The following PGAP6 variants were observed in gnomAD, a reference collection of about 807,000 sequenced individuals.
The protein encoded by PGAP6 is post-GPI attachment to proteins 6.
PGAP6 carries 62 observed loss-of-function variants against 68.4 expected under a neutral mutation model. The ratio of observed to expected loss-of-function variants is 0.91; its 90% confidence interval spans 0.74 to 1.12. The LOEUF is 1.12. Among genes scored for constraint, PGAP6 ranks in the 50% most tolerant of loss-of-function variants. The probability of loss-of-function intolerance (pLI) is 0.00; values close to 1 mark genes in which losing one functional copy is unlikely to be tolerated. For synonymous variants in PGAP6, 575 were observed against 474.0 expected, an observed-to-expected ratio of 1.21 and a Z score of -2.77; for missense variants, 1,188 against 1,068.5, an observed-to-expected ratio of 1.11 and a Z score of -1.56.
intron 11 of PGAP6, among the ~76,000 whole-genome samples, chr16:373,113 C>T (rs564486865): frequency 6.6e-6 from 1 of 152,308 alleles, no homozygotes; most frequent in East Asian, 1.9e-4. Flanking sequence ...GGCTCCCACC[C>T]CCCAGTCTCC....
At position 380,859 on chromosome 16, in the gene PGAP6, C is replaced by G. The variant is rs549967495; in HGVS notation, c.121+842G>C. On this transcript the variant is annotated intron_variant, in intron 1 of 12. Coordinates refer to ENST00000431232, the MANE Select transcript of PGAP6 (RefSeq NM_021259.3). Reference sequence around the variant, plus strand: ...CAGCACCGCATCAGCTGCCGGGCACCTGGGCACCCGCGTGGCTGGGGACGT... The same window carrying G: ...CAGCACCGCATCAGCTGCCGGGCACGTGGGCACCCGCGTGGCTGGGGACGT... Among the ~76,000 whole-genome samples, 11 of 152,206 alleles carry G rather than the reference C, an allele frequency of 7.2e-5. No individual in the cohort carries two copies. In the East Asian group the frequency reaches 1.9e-3, roughly 27 times the overall value.
At position 371,830 on chromosome 16, in the gene PGAP6, G is replaced by A. The variant is rs184459981; in HGVS notation, c.*157C>T. 68 of 704,888 alleles carry A rather than the reference G, an allele frequency of 9.6e-5. No individual in the cohort carries two copies. The East Asian group carries it at 1.6e-3, about 17-fold the overall frequency. The allele number at this position is 704,888 out of a possible 1,614,324, so 43.7% of individuals were successfully genotyped here. Reference sequence around the variant, plus strand: ...GGCGAGGAGAGGTGCGTGTGAGGGAGGGGTGGCCCTCTCCTCAGTAGGAGG... The same window carrying A: ...GGCGAGGAGAGGTGCGTGTGAGGGAAGGGTGGCCCTCTCCTCAGTAGGAGG... On this transcript the variant is annotated 3_prime_UTR_variant, in exon 13 of 13. Transcript: ENST00000431232.
rs1192024997 is a variant in PGAP6 at position 372,316 on chromosome 16, GGT to G, written c.2020-35_2020-34del. The G allele has an allele frequency of 2.5e-6, 4 of 1,584,414 alleles. No individual in the cohort carries two copies. The African/African-American group carries it at 4.0e-5, about 16-fold the overall frequency. Reference sequence around the variant, plus strand: ...AAACAGCCACGCAGGTATCAGTGCAGGTGGGGCCGCGGCTGCAGCTCCCAGGG... The same window carrying G: ...AAACAGCCACGCAGGTATCAGTGCAGGGGGCCGCGGCTGCAGCTCCCAGGG... On this transcript the variant is annotated intron_variant, in intron 12 of 12. Coordinates refer to ENST00000431232, the MANE Select transcript of PGAP6 (RefSeq NM_021259.3).
At chr16:374,610 G>T (rs1481664668) in intron 9 of PGAP6, 146 bp downstream of exon 9, 2 of 1,201,334 alleles carry the variant, frequency 1.7e-6, no homozygotes, top group East Asian at 5.1e-5. Context: ...GGGGAATGGG[G>T]GAGTGGGGAG....
intron 6 of PGAP6, 57 bp downstream of exon 6, chr16:376,079 G>A (rs1426412017): frequency 6.6e-7 from 1 of 1,510,704 alleles, no homozygotes. Context: ...GCGCTGCAGG[G>A]GTTGCCCGGC....
chr16:381,562 G>T, intron 1 of PGAP6, 139 bp downstream of exon 1: 1 of 581,964 alleles, frequency 1.7e-6, no homozygotes, highest in Non-Finnish European at 2.4e-6. Context: ...GGGCCACTGT[G>T]CACCCCCAAC....
chr16:374,267 A>C lies in PGAP6; in HGVS notation c.1709T>G (p.Phe570Cys), dbSNP rs2054360112. Reference protein sequence around the residue: ...APIAVSVRRFFLVEASVYAYT... With the variant: ...APIAVSVRRFCLVEASVYAYT... ...GGCGTAGACGGAGGCCTCCACCAGG[A>C]AGAATCGCCGCACTGAGACGGCGAT... is the stretch of plus-strand genomic sequence containing the variant. Residue 570 changes from phenylalanine (F) to cysteine (C), a missense_variant, in exon 10 of 13, where the codon TTC becomes TGC. Physicochemically the swap from Phe to Cys is radical, Grantham distance 205 (BLOSUM62 -2). Coordinates refer to ENST00000431232, the MANE Select transcript of PGAP6 (RefSeq NM_021259.3). The C allele has an allele frequency of 6.2e-7, 1 of 1,607,732 alleles. No individual in the cohort carries two copies. Among genetic ancestry groups the C allele is most frequent in the Non-Finnish European group, 8.5e-7 (1 of 1,179,444 alleles).
chr16:382,195 A>C (rs1480190353), upstream of PGAP6: 2 of 390,714 alleles, frequency 5.1e-6, no homozygotes, highest in Non-Finnish European at 4.5e-6. Context: ...CGGGGGTCCC[A>C]GGACGGAGAG....
upstream of PGAP6, among the ~76,000 whole-genome samples, chr16:385,776 C>A (rs1323461157): frequency 5.7e-4 from 86 of 150,674 alleles, 1 homozygote; most frequent in African/African-American, 2.0e-3. Context: ...AGGCGCCTGC[C>A]AACACACCCG....
In PGAP6 at chr16:376,086, C is replaced by T. The variant is rs566454439; in HGVS notation, c.1224+50G>A. On this transcript the variant is annotated intron_variant, in intron 6 of 12. Transcript: ENST00000431232. ...ATGAGGAGGCGCTGCAGGGGTTGCC[C>T]GGCGCCCTGCCCGAGCCCAGGCCAC... is the stretch of plus-strand genomic sequence containing the variant. The T allele has an allele frequency of 6.1e-5, 93 of 1,530,766 alleles. No individual in the cohort carries two copies. In the Admixed American group the frequency reaches 7.3e-4, roughly 12 times the overall value. 94.8% of individuals were successfully genotyped at this position (1,530,766 alleles called of 1,614,324 possible). A position where few individuals can be genotyped will look rare whatever the true frequency, so the allele number is the denominator to read the frequency against.
At position 374,377 on chromosome 16, in the gene PGAP6, C is replaced by T. The variant is rs772686401; in HGVS notation, c.1599G>A (p.Thr533=). Residue 533 remains threonine (T), a synonymous_variant, in exon 10 of 13, where the codon ACG becomes ACA. Transcript: ENST00000431232. ...CCACCGTCTGGGCTGTGCTGTTGTC[C>T]GTGCAGCTCCACCCACGCCAGCCTG... ...CKAGWRGWSC[T]DNSTAQTVAQ... is the part of the protein sequence containing the mutation. 1.7e-5 allele frequency: 27 copies of T among 1,583,834 alleles called. No individual in the cohort carries two copies. The highest frequency in any genetic ancestry group is 2.2e-5 in the East Asian group (1 of 44,570).
chr16:386,320 A>G (rs1371091900), upstream of PGAP6, among the ~76,000 whole-genome samples: 1 of 151,936 alleles, frequency 6.6e-6, no homozygotes, highest in Non-Finnish European at 1.5e-5. Flanking sequence ...TGTGTGCAAG[A>G]CTGTGTGAGG....
Position 377,367 on chromosome 16 carries a change from G to GC in PGAP6, c.507+10dup, listed in dbSNP as rs751445958. 6.3e-6 allele frequency: 10 copies of GC among 1,577,968 alleles called. No individual in the cohort carries two copies. In the African/African-American group the frequency reaches 1.1e-4, roughly 17 times the overall value. On this transcript the variant is annotated intron_variant, in intron 3 of 12. Coordinates refer to ENST00000431232, the MANE Select transcript of PGAP6 (RefSeq NM_021259.3). ...TTCTCTGCCTCCATCCCGGAGGGCA[G>GC]CCCCCCTCACCTTCAACTCGATCTT...
At position 374,294 on chromosome 16, in the gene PGAP6, G is replaced by A; in HGVS notation, c.1682C>T (p.Pro561Leu). The part of the protein sequence containing the change: ...LTLSNLMFLA[P>L]IAVSVRRFFL... ...GAATCGCCGCACTGAGACGGCGATG[G>A]GGGCCAGGAACATGAGGTTGCTGAG... Residue 561 changes from proline to leucine, a missense_variant, in exon 10 of 13, where the codon CCC becomes CTC. Pro to Leu is a moderately conservative substitution (Grantham distance 98). Coordinates refer to ENST00000431232, the MANE Select transcript of PGAP6 (RefSeq NM_021259.3). The A allele has an allele frequency of 6.2e-7, 1 of 1,606,758 alleles. No individual in the cohort carries two copies. The highest frequency in any genetic ancestry group is 8.5e-7 in the Non-Finnish European group (1 of 1,179,746).
chr16:377,498 G>A lies in PGAP6; in HGVS notation c.387C>T (p.Val129=), dbSNP rs143579905. 7.8e-4 allele frequency: 1,250 copies of A among 1,603,994 alleles called. 14 individuals carry two copies. The South Asian group carries it at 0.01, about 13-fold the overall frequency. The change falls in exon 3 of 13, where the codon GTC becomes GTT. Residue 129 remains valine, a synonymous_variant. Coordinates refer to ENST00000431232, the MANE Select transcript of PGAP6 (RefSeq NM_021259.3). ...DDTAVQPSFQ[V]GVPLSTTPRS... ...TCGGTGTGGTGCTCAGCGGCACCCC[G>A]ACCTGGAAGGAGGGCTGTACCGCGG...
At chr16:384,551 C>T (rs2054469009), upstream of PGAP6, among the ~76,000 whole-genome samples, 1 of 152,154 alleles carries the variant, frequency 6.6e-6, no homozygotes, top group Non-Finnish European at 1.5e-5. Flanking sequence ...ATTATTGTGC[C>T]AACATTAAAA....
chr16:380,684 G>A (rs944866235), intron 1 of PGAP6, among the ~76,000 whole-genome samples: 7 of 152,196 alleles, frequency 4.6e-5, no homozygotes, highest in Non-Finnish European at 8.8e-5. Context: ...TTTAATCCGG[G>A]GCACGGTCCT....
At chr16:375,295 G>A (rs2054371934) in intron 7 of PGAP6, 39 bp from the exon 8 acceptor site, 2 of 1,612,520 alleles carry the variant, frequency 1.2e-6, no homozygotes, top group Non-Finnish European at 1.7e-6. Context: ...AGGAGGCCGG[G>A]GCGGGGGGCT....
At chr16:379,150 C>T (rs1195169561) in intron 1 of PGAP6, among the ~76,000 whole-genome samples, 4 of 152,144 alleles carry the variant, frequency 2.6e-5, no homozygotes, top group African/African-American at 9.7e-5. Flanking sequence ...CAGCAGGGGG[C>T]GGGACCCTCC....
Sources: allele counts gnomAD v4.1 joint callset (sites outside exome capture counted in the v4.1 genomes callset), GRCh38; gene constraint gnomAD v4.1.1; transcripts MANE v1.5; gene names NCBI Gene and HGNC (gene_info 2026-07-23, HGNC 2026-07-21).